NFIA: variants seen among roughly 807,000 people sequenced by gnomAD.
The protein encoded by NFIA is nuclear factor 1 A-type.
In NFIA, 8 loss-of-function variants were observed where a neutral mutation model predicts 62.8. That is an observed-to-expected ratio of 0.13 (90% CI 0.07 to 0.23). The LOEUF (loss-of-function observed/expected upper bound fraction) is 0.23, where lower values mean the gene tolerates loss of function less well. Ranked by LOEUF, NFIA falls within the 10% of genes least tolerant of loss-of-function variation. The pLI is 1.00. For missense variants in NFIA, 410 were observed against 642.1 expected, an observed-to-expected ratio of 0.64 and a Z score of 3.91; for synonymous variants, 235 against 238.1, an observed-to-expected ratio of 0.99 and a Z score of 0.12.
chr1:61,326,874 A>G (rs898837508), intron 3 of NFIA, among the ~76,000 whole-genome samples: 4 of 152,054 alleles, frequency 2.6e-5, no homozygotes, highest in Non-Finnish European at 4.4e-5. Context: ...AAGCAGTGCA[A>G]CGAGGAGCTT....
chr1:61,338,307 C>T (rs1214416747), intron 4 of NFIA, among the ~76,000 whole-genome samples: 4 of 152,184 alleles, frequency 2.6e-5, no homozygotes, highest in African/African-American at 7.2e-5. Flanking sequence ...GCTCAGCTGC[C>T]GGGTCCACTA....
chr1:61,284,451 T>C (rs1469713709), intron 3 of NFIA, among the ~76,000 whole-genome samples: 1 of 152,176 alleles, frequency 6.6e-6, no homozygotes, highest in African/African-American at 2.4e-5. Flanking sequence ...AGTCTTTCTC[T>C]GTGAAAGATG....
chr1:61,153,606 G>T (rs549258428), intron 2 of NFIA, among the ~76,000 whole-genome samples: 1 of 152,322 alleles, frequency 6.6e-6, no homozygotes, highest in African/African-American at 2.4e-5. Context: ...GCAATGAGTT[G>T]GTTGACGTTT....
chr1:61,442,684 AAAAG>A (rs1184521834), intron 10 of NFIA, among the ~76,000 whole-genome samples: 1 of 152,228 alleles, frequency 6.6e-6, no homozygotes, highest in Non-Finnish European at 1.5e-5. Flanking sequence ...ATATTTATGA[AAAAG>A]AAAGAAGAAA....
At chr1:61,176,727 T>A (rs745713848) in intron 2 of NFIA, among the ~76,000 whole-genome samples, 40 of 151,764 alleles carry the variant, frequency 2.6e-4, no homozygotes, top group East Asian at 7.8e-4. Flanking sequence ...TCTTTAAAAA[T>A]TTTTTTTTCT....
intron 4 of NFIA, among the ~76,000 whole-genome samples, chr1:61,339,133 T>A (rs191695869): frequency 1.4e-4 from 21 of 152,296 alleles, no homozygotes; most frequent in Non-Finnish European, 2.1e-4. Flanking sequence ...ACAAAAAGTC[T>A]CCATAAACTT....
intron 7 of NFIA, among the ~76,000 whole-genome samples, chr1:61,401,756 C>G (rs1412325304): frequency 6.6e-6 from 1 of 152,146 alleles, no homozygotes; most frequent in Admixed American, 6.5e-5. Context: ...TCAGTATATT[C>G]TCAGCCTAGT....
intron 2 of NFIA, among the ~76,000 whole-genome samples, chr1:61,264,149 G>C (rs1656956543): frequency 6.6e-6 from 1 of 152,130 alleles, no homozygotes; most frequent in Non-Finnish European, 1.5e-5. Flanking sequence ...CTCCTCCTAA[G>C]AAAGGTTAAT....
At chr1:61,390,544 C>A (rs1329027410) in intron 7 of NFIA, among the ~76,000 whole-genome samples, 1 of 152,148 alleles carries the variant, frequency 6.6e-6, no homozygotes, top group Non-Finnish European at 1.5e-5. Context: ...AAATAGGGAT[C>A]TTGCTCTCAG....
chr1:61,391,526 C>T (rs1208137737), intron 7 of NFIA, among the ~76,000 whole-genome samples: 3 of 151,290 alleles, frequency 2.0e-5, no homozygotes, highest in African/African-American at 4.9e-5. Flanking sequence ...TTCTGGCAGG[C>T]GTGTGCCACC....
intron 3 of NFIA, among the ~76,000 whole-genome samples, chr1:61,305,660 A>C (rs1296311626): frequency 6.6e-6 from 1 of 152,156 alleles, no homozygotes; most frequent in Non-Finnish European, 1.5e-5. Flanking sequence ...ATGGAAACAG[A>C]AGGGAAGACC....
At chr1:61,155,696 A>AAAAAAAT (rs1302559953) in intron 2 of NFIA, among the ~76,000 whole-genome samples, 1 of 151,308 alleles carries the variant, frequency 6.6e-6, no homozygotes, top group African/African-American at 2.4e-5. Flanking sequence ...AAAAAAAAAA[A>AAAAAAAT]ATCTAGAGTT....
chr1:61,118,517 A>T (rs1646830888), intron 2 of NFIA, among the ~76,000 whole-genome samples: 1 of 149,984 alleles, frequency 6.7e-6, no homozygotes, highest in Admixed American at 6.6e-5. Context: ...TTCTAATGTG[A>T]TAGATCTCTA....
chr1:61,079,063 G>C (rs1215067997), upstream of NFIA, among the ~76,000 whole-genome samples: 5 of 152,154 alleles, frequency 3.3e-5, no homozygotes, highest in African/African-American at 1.2e-4. Context: ...AAGGCTTTAG[G>C]CCTTCCAGTC....
rs547411135 is a variant in NFIA, at chr1:61,139,134, C to T, written c.559+50454C>T. Among the ~76,000 whole-genome samples the T allele has an allele frequency of 2.6e-5, 4 of 152,218 alleles. No individual in the cohort carries two copies. The South Asian group carries it at 8.3e-4, about 32-fold the overall frequency. ...CGGAGGTTGCAGTGAGCTAAGATCACGTCACTGCACTCCAGCCTGGGCAAC... is the reference window on the plus strand; with the variant it reads ...CGGAGGTTGCAGTGAGCTAAGATCATGTCACTGCACTCCAGCCTGGGCAAC... On this transcript the variant is annotated intron_variant, in intron 2 of 10. Transcript: ENST00000403491.
intron 2 of NFIA, among the ~76,000 whole-genome samples, chr1:61,185,635 CTTTTTT>C: frequency 7.7e-6 from 1 of 130,706 alleles, no homozygotes; most frequent in South Asian, 2.5e-4. Flanking sequence ...TCTAACCCCA[CTTTTTT>C]TTTTTTTTTT....
chr1:61,403,148 A>G (rs1391089659), intron 7 of NFIA, among the ~76,000 whole-genome samples: 4 of 152,220 alleles, frequency 2.6e-5, no homozygotes. Flanking sequence ...ATCTCCTCTA[A>G]TTTGGGAGAG....
chr1:61,454,777 G>C (rs182794735), intron 10 of NFIA, among the ~76,000 whole-genome samples: 4 of 152,196 alleles, frequency 2.6e-5, no homozygotes, highest in Non-Finnish European at 4.4e-5. Flanking sequence ...ATCTGGGCCT[G>C]TTAGGAGAGT....
intron 2 of NFIA, among the ~76,000 whole-genome samples, chr1:61,144,220 T>G (rs1647755503): frequency 6.6e-6 from 1 of 152,204 alleles, no homozygotes; most frequent in South Asian, 2.1e-4. Flanking sequence ...GTGCAAATGT[T>G]GGTCCCCACC....
Sources: allele counts gnomAD v4.1 joint callset (sites outside exome capture counted in the v4.1 genomes callset), GRCh38; gene constraint gnomAD v4.1.1; transcripts MANE v1.5; gene names NCBI Gene and HGNC (gene_info 2026-07-23, HGNC 2026-07-21).